CSRNP1: variants seen among roughly 807,000 people sequenced by gnomAD.
CSRNP1 encodes the protein cysteine and serine rich nuclear protein 1, also known as cysteine/serine-rich nuclear protein 1.
Under a neutral mutation model 25.0 loss-of-function variants are expected in CSRNP1, and 8 were observed. The ratio of observed to expected loss-of-function variants is 0.32; its 90% CI spans 0.19 to 0.58. The LOEUF (loss-of-function observed/expected upper bound fraction) is 0.58. CSRNP1 is among the 20% of genes least tolerant of loss of function. CSRNP1 has a pLI of 0.88. For synonymous variants in CSRNP1, 305 were observed against 303.1 expected, an observed-to-expected ratio of 1.01 and a Z score of -0.06; for missense variants, 691 against 773.1, an observed-to-expected ratio of 0.89 and a Z score of 1.26.
intron 1 of CSRNP1, among the ~76,000 whole-genome samples, chr3:39,147,958 G>C (rs994173064): frequency 2.6e-5 from 4 of 152,090 alleles, no homozygotes; most frequent in African/African-American, 9.7e-5. Context: ...AAATGAGAGA[G>C]AACAGGAAAA....
rs768505796 is a variant in CSRNP1, at chr3:39,144,212, C to T, written c.705G>A (p.Glu235=). The T allele has an allele frequency of 6.8e-6, 11 of 1,614,070 alleles. No homozygotes were observed. The highest frequency in any genetic ancestry group is 6.7e-5 in the Admixed American group (4 of 60,008). Residue 235 remains glutamate, a synonymous_variant, in exon 4 of 5, where the codon GAG becomes GAA. Coordinates refer to ENST00000273153, the MANE Select transcript of CSRNP1 (RefSeq NM_033027.4). ...TCCTATCGCAGTGACAGCCACAATCCTCCCGGGATTGGCGCAGTGCCTGCA... is the reference window on the plus strand; with the variant it reads ...TCCTATCGCAGTGACAGCCACAATCTTCCCGGGATTGGCGCAGTGCCTGCA... ...RELQALRQSR[E]DCGCHCDRIC...
intron 1 of CSRNP1, chr3:39,148,442 C>T (rs1049020615): frequency 3.3e-5 from 5 of 152,920 alleles, no homozygotes; most frequent in African/African-American, 1.2e-4. Context: ...CCAAGAGACC[C>T]CATCCTTTCC....
intron 3 of CSRNP1, 94 bp downstream of exon 3, chr3:39,144,903 G>A (rs562295707): frequency 4.3e-6 from 6 of 1,402,108 alleles, no homozygotes; most frequent in South Asian, 1.5e-5. Context: ...ACCATAATGA[G>A]CAAGTCAGCA....
intron 1 of CSRNP1, chr3:39,151,049 CAT>C (rs2039574528): frequency 6.6e-6 from 1 of 152,286 alleles, no homozygotes; most frequent in African/African-American, 2.4e-5. Context: ...GGGAATGAAA[CAT>C]AGTGAGAATC....
At chr3:39,146,366 C>CACCAT (rs1207472901) in intron 2 of CSRNP1, 112 bp downstream of exon 2, 1 of 1,321,682 alleles carries the variant, frequency 7.6e-7, no homozygotes, top group Non-Finnish European at 1.0e-6. Flanking sequence ...TGAGAGCTAC[C>CACCAT]GCCATGGGGA....
intron 1 of CSRNP1, chr3:39,150,708 G>T (rs1237929212): frequency 6.6e-6 from 1 of 152,336 alleles, no homozygotes; most frequent in African/African-American, 2.4e-5. Flanking sequence ...AGGAAAGCAG[G>T]CTCAGATACG....
chr3:39,146,591 C>A lies in CSRNP1; in HGVS notation c.92G>T (p.Arg31Leu). 1 of 1,563,984 alleles carries A rather than the reference C, an allele frequency of 6.4e-7. No individual in the cohort carries two copies. ...SSSSSSGCQS[R>L]SCSPSSSVSR... is the part of the protein sequence containing the mutation. The stretch of plus-strand genomic sequence containing the variant: ...GACAGAAGAGCTTGGGGAGCAGGAG[C>A]GAGACTGGCACCCAGAGGAAGAGGA... Residue 31 changes from arginine (R) to leucine (L), a missense_variant, in exon 2 of 5, where the codon CGC becomes CTC. Arg to Leu is a moderately radical substitution (Grantham distance 102). Transcript: ENST00000273153.
At chr3:39,148,328 T>C (rs926431443) in intron 1 of CSRNP1, 3 of 152,288 alleles carry the variant, frequency 2.0e-5, no homozygotes, top group African/African-American at 7.2e-5. Context: ...GGGGGATTCA[T>C]GACCCAGAGG....
chr3:39,153,868 G>A (rs1006949530), upstream of CSRNP1: 1 of 152,228 alleles, frequency 6.6e-6, no homozygotes, highest in East Asian at 1.9e-4. Flanking sequence ...AGGCGCGGAC[G>A]ACTCAAGCCG....
At chr3:39,147,689 A>T (rs922269747) in intron 1 of CSRNP1, among the ~76,000 whole-genome samples, 1 of 152,042 alleles carries the variant, frequency 6.6e-6, no homozygotes, top group African/African-American at 2.4e-5. Context: ...AAGCATAACC[A>T]GAGACTCCCA....
intron 1 of CSRNP1, chr3:39,148,995 C>T (rs989076760): frequency 2.0e-5 from 3 of 152,116 alleles, no homozygotes; most frequent in Non-Finnish European, 2.9e-5. Context: ...CTTAACCTCT[C>T]TGTGCCTCCA....
In CSRNP1 at chr3:39,146,602, C is replaced by T; in HGVS notation, c.81G>A (p.Gly27=). 1 of 1,568,902 alleles carries T rather than the reference C, an allele frequency of 6.4e-7. No homozygotes were observed. Among genetic ancestry groups the T allele is most frequent in the East Asian group, 2.4e-5 (1 of 42,330 alleles). ...SSVSSSSSSS[G]CQSRSCSPSS... Reference sequence around the variant, plus strand: ...TTGGGGAGCAGGAGCGAGACTGGCACCCAGAGGAAGAGGAGGAGGAGGAGA... The same window carrying T: ...TTGGGGAGCAGGAGCGAGACTGGCATCCAGAGGAAGAGGAGGAGGAGGAGA... The change falls in exon 2 of 5, where the codon GGG becomes GGA. Residue 27 remains glycine (G), a synonymous_variant. Transcript: ENST00000273153.
In CSRNP1 at chr3:39,141,878, T is replaced by C. The variant is rs545644783; in HGVS notation, c.*1177A>G. 2.4e-4 allele frequency: 37 copies of C among 152,764 alleles called. No individual in the cohort carries two copies. Among genetic ancestry groups the C allele is most frequent in the African/African-American group, 7.5e-4 (31 of 41,560 alleles). The allele number at this position is 152,764 out of a possible 1,614,324, so 9.5% of individuals were successfully genotyped here. ...GCTAAAAATAAAGCCTCTTTATTGGTACCTGTAAGCTCAGGTACAAGGTGT... is the reference window on the plus strand; with the variant it reads ...GCTAAAAATAAAGCCTCTTTATTGGCACCTGTAAGCTCAGGTACAAGGTGT... On this transcript the variant is annotated 3_prime_UTR_variant, in exon 5 of 5. Transcript: ENST00000273153.
rs372252051 is a variant in CSRNP1 at position 39,143,229 on chromosome 3, G to C, written c.1596C>G (p.Ile532Met). The C allele has an allele frequency of 6.2e-7, 1 of 1,614,232 alleles. No individual in the cohort carries two copies. The highest frequency in any genetic ancestry group is 1.7e-5 in the Admixed American group (1 of 60,038). Residue 532 changes from isoleucine to methionine, a missense_variant, in exon 5 of 5, where the codon ATC becomes ATG. Physicochemically the swap from Ile to Met is conservative, Grantham distance 10. Coordinates refer to ENST00000273153, the MANE Select transcript of CSRNP1 (RefSeq NM_033027.4). ...SQKVSDSLDN[I>M]EAPHFPLPGL... ...CAGGCAGGGGGAAGTGAGGTGCCTC[G>C]ATGTTGTCCAGGCTGTCAGACACCT...
chr3:39,150,355 G>C (rs1185335718), intron 1 of CSRNP1: 3 of 152,278 alleles, frequency 2.0e-5, no homozygotes, highest in African/African-American at 7.2e-5. Context: ...CTAGGACAGA[G>C]TCTGGCATAG....
At chr3:39,144,976 C>A in intron 3 of CSRNP1, 21 bp downstream of exon 3, 1 of 1,585,618 alleles carries the variant, frequency 6.3e-7, no homozygotes, top group Non-Finnish European at 8.6e-7. Context: ...GGAGGTGCGC[C>A]ACGGAGAGGA....
intron 1 of CSRNP1, chr3:39,149,552 T>C (rs1274962): frequency 0.47 from 72,247 of 152,220 alleles, 17,586 homozygotes; most frequent in East Asian, 0.65. Flanking sequence ...CTGCCCTCTT[T>C]CCCCAGCCAT....
intron 2 of CSRNP1, 81 bp from the exon 3 acceptor site, chr3:39,145,337 C>T (rs576730243): frequency 1.6e-5 from 23 of 1,442,302 alleles, no homozygotes; most frequent in Middle Eastern, 2.0e-4. Flanking sequence ...GCCAGACTGC[C>T]CTCCCGCCTC....
In CSRNP1 at chr3:39,146,619, A is replaced by C; in HGVS notation, c.64T>G (p.Ser22Ala). 1 of 1,572,792 alleles carries C rather than the reference A, an allele frequency of 6.4e-7. No homozygotes were observed. The highest frequency in any genetic ancestry group is 8.6e-7 in the Non-Finnish European group (1 of 1,158,648). Residue 22 changes from serine (S) to alanine (A), a missense_variant, in exon 2 of 5, where the codon TCC (serine) becomes GCC (alanine). Ser to Ala is a moderately conservative substitution (Grantham distance 99). Transcript: ENST00000273153. The stretch of plus-strand genomic sequence containing the variant: ...GACTGGCACCCAGAGGAAGAGGAGG[A>C]GGAGGAGACCGAGGAGTTGTCCTCA... ...LDEDNSSVSS[S>A]SSSSGCQSRS...
Sources: allele counts gnomAD v4.1 joint callset (sites outside exome capture counted in the v4.1 genomes callset), GRCh38; gene constraint gnomAD v4.1.1; transcripts MANE v1.5; gene names NCBI Gene and HGNC (gene_info 2026-07-23, HGNC 2026-07-21).